FOXP2: variants seen among roughly 807,000 people sequenced by gnomAD.
FOXP2 encodes forkhead box protein P2.
Under a neutral mutation model 115.8 loss-of-function variants are expected in FOXP2, and 12 were observed. The observed-to-expected ratio is 0.10, with a 90% CI of 0.07 to 0.17. The LOEUF (loss-of-function observed/expected upper bound fraction) is 0.17. Among genes scored for constraint, FOXP2 ranks in the 10% least tolerant of loss-of-function variants. The pLI is 1.00. For synonymous variants in FOXP2, 328 were observed against 297.7 expected, an observed-to-expected ratio of 1.10 and a Z score of -1.05; for missense variants, 629 against 843.5, an observed-to-expected ratio of 0.75 and a Z score of 3.15.
intron 16 of FOXP2, among the ~76,000 whole-genome samples, chr7:114,688,607 ACCCTTT>A (rs1456415801): frequency 6.6e-6 from 1 of 152,034 alleles, no homozygotes; most frequent in Non-Finnish European, 1.5e-5. Context: ...TTGCAGCACA[ACCCTTT>A]CCTTGAGTAG....
intron 1 of FOXP2, among the ~76,000 whole-genome samples, chr7:114,416,105 T>C (rs1793329238): frequency 6.6e-6 from 1 of 152,024 alleles, no homozygotes; most frequent in Non-Finnish European, 1.5e-5. Flanking sequence ...AATTACCATT[T>C]CTGCACTTTT....
chr7:114,107,920 T>A (rs1791163584), intron 1 of FOXP2, among the ~76,000 whole-genome samples: 1 of 151,946 alleles, frequency 6.6e-6, no homozygotes, highest in South Asian at 2.1e-4. Context: ...TCAACTTTAG[T>A]AAAATTTTAA....
chr7:114,671,415 T>C lies in FOXP2; in HGVS notation c.2003+6979T>C, dbSNP rs566731250. On this transcript the variant is annotated intron_variant, in intron 16 of 16. Coordinates refer to ENST00000350908, the MANE Select transcript of FOXP2 (RefSeq NM_014491.4). ...GGGTTTTGAAGGATTTTTATAGAAC[T>C]ATACAGATGATATCTGACATCCGTG... Among the ~76,000 whole-genome samples the C allele has an allele frequency of 5.3e-5, 8 of 152,304 alleles. No homozygotes were observed. The South Asian group carries it at 1.2e-3, about 24-fold the overall frequency.
intron 10 of FOXP2, among the ~76,000 whole-genome samples, chr7:114,655,267 G>A (rs771613288): frequency 2.0e-5 from 3 of 152,056 alleles, no homozygotes; most frequent in Non-Finnish European, 4.4e-5. Context: ...GGAATCTGCA[G>A]CTTGTTCTTT....
At chr7:114,648,958 A>G (rs192575730) in intron 8 of FOXP2, among the ~76,000 whole-genome samples, 128 of 152,206 alleles carry the variant, frequency 8.4e-4, no homozygotes, top group African/African-American at 3.0e-3. Context: ...GGAGCTAACC[A>G]GAATTCCAGA....
At chr7:114,353,743 A>G (rs1310350208) in intron 2 of FOXP2, among the ~76,000 whole-genome samples, 3 of 151,978 alleles carry the variant, frequency 2.0e-5, no homozygotes, top group Admixed American at 1.3e-4. Flanking sequence ...ACTGTCATCT[A>G]CTGATCTGTA....
At chr7:114,330,719 G>T (rs1797687310) in intron 2 of FOXP2, among the ~76,000 whole-genome samples, 2 of 151,760 alleles carry the variant, frequency 1.3e-5, no homozygotes, top group African/African-American at 4.8e-5. Context: ...TTTGAAGAAA[G>T]TCATTTATAT....
In FOXP2 at chr7:114,404,876, T is replaced by C. The variant is rs116629516; in HGVS notation, c.-10-21626T>C. ...TTACCCTTTTATTTTTTTTCTCTAA[T>C]GTAAACTGAAATTCCCTGCTGTTCG... On this transcript the variant is annotated intron_variant, in intron 2 of 17. Transcript: ENST00000634411. Among the ~76,000 whole-genome samples the C allele has an allele frequency of 6.5e-3, 985 of 152,124 alleles. 11 individuals are homozygous for C. Among genetic ancestry groups the C allele is most frequent in the African/African-American group, 0.022 (926 of 41,554 alleles).
chr7:114,356,365 A>G (rs912478266), intron 2 of FOXP2, among the ~76,000 whole-genome samples: 8 of 152,190 alleles, frequency 5.3e-5, no homozygotes, highest in Non-Finnish European at 1.0e-4. Flanking sequence ...AAACTACATA[A>G]TATAAAGACC....
At chr7:114,435,006 C>A (rs1794276600) in intron 2 of FOXP2, among the ~76,000 whole-genome samples, 1 of 152,170 alleles carries the variant, frequency 6.6e-6, no homozygotes, top group Admixed American at 6.6e-5. Context: ...TATTGCAAAA[C>A]TCTGCTCAAT....
At chr7:114,677,965 T>C (rs1176815855) in intron 16 of FOXP2, among the ~76,000 whole-genome samples, 1 of 152,120 alleles carries the variant, frequency 6.6e-6, no homozygotes, top group East Asian at 1.9e-4. Context: ...AAAACTCTAA[T>C]AGAGGGATAA....
intron 2 of FOXP2, among the ~76,000 whole-genome samples, chr7:114,446,239 C>T (rs573188115): frequency 2.3e-4 from 35 of 152,022 alleles, no homozygotes; most frequent in African/African-American, 7.0e-4. Context: ...TTAGGAATGT[C>T]GTTATATCAT....
At chr7:114,199,491 A>G (rs1794004391) in intron 1 of FOXP2, among the ~76,000 whole-genome samples, 1 of 152,218 alleles carries the variant, frequency 6.6e-6, no homozygotes, top group Admixed American at 6.5e-5. Flanking sequence ...CCTGTCAACA[A>G]TGTGGAAGCA....
In FOXP2 at chr7:114,332,114, G is replaced by A. The variant is rs551398093; in HGVS notation, c.-11+44005G>A. On this transcript the variant is annotated intron_variant, in intron 2 of 17. Transcript: ENST00000634411. ...TACCTCTGTGTGTGGGCATATGAAC[G>A]TGTGTGTGTGTGTGTGCGTGTGTGT... Among the ~76,000 whole-genome samples, 358 of 150,486 alleles carry A rather than the reference G, an allele frequency of 2.4e-3. 1 individual carries two copies. Among genetic ancestry groups the A allele is most frequent in the African/African-American group, 8.3e-3 (340 of 41,196 alleles).
chr7:114,418,947 C>T (rs1011697943), intron 1 of FOXP2, among the ~76,000 whole-genome samples: 3 of 151,848 alleles, frequency 2.0e-5, no homozygotes, highest in African/African-American at 7.3e-5. Flanking sequence ...TAAAATAAAA[C>T]TGACAAATGA....
chr7:114,316,005 A>G (rs533355867), intron 2 of FOXP2, among the ~76,000 whole-genome samples: 2 of 152,330 alleles, frequency 1.3e-5, no homozygotes, highest in African/African-American at 4.8e-5. Flanking sequence ...TTTGGGACCT[A>G]TTTTAAACAG....
intron 2 of FOXP2, among the ~76,000 whole-genome samples, chr7:114,304,763 C>T (rs1233126558): frequency 6.7e-6 from 1 of 148,162 alleles, no homozygotes; most frequent in Non-Finnish European, 1.5e-5. Context: ...TCCATGTTCT[C>T]TTAATGATAC....
At chr7:114,211,388 G>C (rs1794344508) in intron 1 of FOXP2, among the ~76,000 whole-genome samples, 1 of 152,160 alleles carries the variant, frequency 6.6e-6, no homozygotes, top group African/African-American at 2.4e-5. Context: ...AAAGATCCAC[G>C]GGAAAAGCTG....
At chr7:114,283,850 T>C (rs1237759720) in intron 1 of FOXP2, among the ~76,000 whole-genome samples, 1 of 151,864 alleles carries the variant, frequency 6.6e-6, no homozygotes, top group Non-Finnish European at 1.5e-5. Context: ...GAGTCCCAGC[T>C]ACTTGTGGGG....
Sources: gnomAD v4.1 joint callset for allele counts (sites outside exome capture counted in the v4.1 genomes callset) on GRCh38, gnomAD v4.1.1 for gene constraint, MANE v1.5 for transcripts, NCBI Gene and HGNC (gene_info 2026-07-23, HGNC 2026-07-21) for gene names.